The following ZNF385B variants were observed in gnomAD, a reference collection of about 807,000 sequenced individuals.
ZNF385B encodes the protein zinc finger protein 385B.
Under a neutral mutation model 39.2 loss-of-function variants are expected in ZNF385B, and 23 were observed. The observed-to-expected ratio is 0.59, with a 90% CI of 0.42 to 0.83. The LOEUF (loss-of-function observed/expected upper bound fraction) is 0.83, where lower values mean the gene tolerates loss of function less well. Among genes scored for constraint, ZNF385B ranks in the 40% least tolerant of loss-of-function variants. ZNF385B has a pLI of 0.00. For synonymous variants in ZNF385B, 205 were observed against 222.6 expected (o/e 0.92, Z 0.70); for missense variants, 552 against 598.9 (o/e 0.92, Z 0.82).
chr2:179,718,158 G>A (rs908721914), intron 3 of ZNF385B, among the ~76,000 whole-genome samples: 46 of 151,894 alleles, frequency 3.0e-4, no homozygotes, highest in Admixed American at 2.0e-3. Flanking sequence ...TGAAGCATCA[G>A]TATTTCTTAA....
chr2:179,541,584 T>G (rs1229026803), intron 4 of ZNF385B, among the ~76,000 whole-genome samples: 1 of 152,186 alleles, frequency 6.6e-6, no homozygotes, highest in Non-Finnish European at 1.5e-5. Context: ...AATATTAACC[T>G]TGGTTAAAAA....
Position 179,544,828 on chromosome 2 carries a change from G to C in ZNF385B, c.440C>G (p.Thr147Arg), listed in dbSNP as rs1175399772. ...TAAAATAGAAATGAATTTACTCACTGTGTTAAAATTTGGAAAGAGCCCAAC... is the reference window on the plus strand; with the variant it reads ...TAAAATAGAAATGAATTTACTCACTCTGTTAAAATTTGGAAAGAGCCCAAC... ...SAVGLFPNFN[T>R]MDPVQKAVIN... The change falls in exon 4 of 10, where the codon ACA becomes AGA. Residue 147 changes from threonine (T) to arginine (R), a missense_variant and splice_region_variant. By Grantham distance (71) the Thr-to-Arg change is moderately conservative. Coordinates refer to ENST00000410066, the MANE Select transcript of ZNF385B (RefSeq NM_152520.6). 6.2e-6 allele frequency: 10 copies of C among 1,613,874 alleles called. No individual in the cohort carries two copies. Among genetic ancestry groups the C allele is most frequent in the Non-Finnish European group, 5.9e-6 (7 of 1,179,906 alleles).
intron 3 of ZNF385B, among the ~76,000 whole-genome samples, chr2:179,622,936 G>A (rs1027235551): frequency 1.5e-4 from 23 of 152,150 alleles, no homozygotes; most frequent in African/African-American, 5.3e-4. Flanking sequence ...TTTCGTGAAA[G>A]CCTTCAGAGG....
At chr2:179,639,226 CAAAAAAAA>C (rs59905278) in intron 3 of ZNF385B, among the ~76,000 whole-genome samples, 5 of 93,024 alleles carry the variant, frequency 5.4e-5, no homozygotes, top group South Asian at 4.5e-4. Context: ...GATCCTGCCT[CAAAAAAAA>C]AAAAAAAAAA....
At chr2:179,838,437 C>T (rs550516963) in intron 1 of ZNF385B, among the ~76,000 whole-genome samples, 38 of 152,334 alleles carry the variant, frequency 2.5e-4, no homozygotes, top group African/African-American at 9.1e-4. Context: ...AATCTTCATA[C>T]ACATGGAGCG....
At chr2:179,846,380 T>C (rs1002925009) in intron 1 of ZNF385B, among the ~76,000 whole-genome samples, 6 of 152,228 alleles carry the variant, frequency 3.9e-5, no homozygotes, top group Non-Finnish European at 8.8e-5. Context: ...CAAATGGAAA[T>C]TTGCCGACAC....
intron 3 of ZNF385B, among the ~76,000 whole-genome samples, chr2:179,707,908 G>A (rs977873809): frequency 6.6e-6 from 1 of 152,190 alleles, no homozygotes; most frequent in Non-Finnish European, 1.5e-5. Flanking sequence ...GATCGCTAAG[G>A]AGCCTCAAGT....
chr2:179,713,190 A>G (rs1313413270), intron 3 of ZNF385B, among the ~76,000 whole-genome samples: 1 of 152,224 alleles, frequency 6.6e-6, no homozygotes, highest in Non-Finnish European at 1.5e-5. Context: ...TTCACCTAAG[A>G]TGGGTTTTTG....
intron 4 of ZNF385B, among the ~76,000 whole-genome samples, chr2:179,541,122 G>C (rs2059895951): frequency 6.6e-6 from 1 of 152,136 alleles, no homozygotes. Context: ...TCCTTGACAT[G>C]TACTCCATCA....
Position 179,451,783 on chromosome 2 carries a change from T to C in ZNF385B, c.716-5013A>G, listed in dbSNP as rs2050182662. ...TTTCTCAATATGCAAATGTATAAACTTCAAAGCCTAATCTTATTATTTCTT... is the reference window on the plus strand; with the variant it reads ...TTTCTCAATATGCAAATGTATAAACCTCAAAGCCTAATCTTATTATTTCTT... On this transcript the variant is annotated intron_variant, in intron 6 of 9. Transcript: ENST00000410066. 2.6e-5 allele frequency among the ~76,000 whole-genome samples: 4 copies of C among 152,144 alleles called. 1 individual carries two copies. The highest frequency in any genetic ancestry group is 1.3e-4 in the Admixed American group (2 of 15,254).
chr2:179,806,129 A>G (rs1706334920), intron 1 of ZNF385B, among the ~76,000 whole-genome samples: 1 of 152,216 alleles, frequency 6.6e-6, no homozygotes. Flanking sequence ...GCCATAAACA[A>G]TGTTAAAAGA....
intron 3 of ZNF385B, among the ~76,000 whole-genome samples, chr2:179,569,909 G>A (rs911173139): frequency 7.2e-5 from 11 of 152,140 alleles, no homozygotes; most frequent in African/African-American, 2.7e-4. Flanking sequence ...ATGAGTCAAG[G>A]AGGAGTTGAG....
At chr2:179,724,073 C>T (rs536677842) in intron 3 of ZNF385B, among the ~76,000 whole-genome samples, 2 of 152,236 alleles carry the variant, frequency 1.3e-5, no homozygotes, top group South Asian at 2.1e-4. Context: ...CTTTGGGAGG[C>T]CAACGCAGGC....
chr2:179,656,085 T>G (rs191648056), intron 3 of ZNF385B, among the ~76,000 whole-genome samples: 19 of 152,268 alleles, frequency 1.2e-4, no homozygotes, highest in African/African-American at 4.6e-4. Flanking sequence ...TACAAATAGA[T>G]TAACATTTGT....
intron 3 of ZNF385B, among the ~76,000 whole-genome samples, chr2:179,752,754 A>G (rs537362404): frequency 1.3e-5 from 2 of 151,898 alleles, no homozygotes; most frequent in Non-Finnish European, 2.9e-5. Context: ...CTGTTCATAT[A>G]CTTCACCCAC....
chr2:179,673,000 C>A (rs983117790), intron 3 of ZNF385B, among the ~76,000 whole-genome samples: 1 of 152,126 alleles, frequency 6.6e-6, no homozygotes, highest in Non-Finnish European at 1.5e-5. Flanking sequence ...AAGGCCAAAT[C>A]CTTTGCAGAG....
chr2:179,824,395 A>G (rs1022766149), intron 1 of ZNF385B, among the ~76,000 whole-genome samples: 5 of 152,186 alleles, frequency 3.3e-5, no homozygotes, highest in African/African-American at 1.2e-4. Context: ...TAACTACAAA[A>G]GTAAATCTTT....
intron 6 of ZNF385B, among the ~76,000 whole-genome samples, chr2:179,463,138 A>G (rs1289557011): frequency 1.3e-5 from 2 of 152,162 alleles, no homozygotes; most frequent in East Asian, 3.9e-4. Context: ...TGTATAGTCC[A>G]TGCAGATAAA....
rs187658211 is a variant in ZNF385B at position 179,832,172 on chromosome 2, A to T, written c.-155+28929T>A. On this transcript the variant is annotated intron_variant, in intron 1 of 9. Transcript: ENST00000410066. The stretch of plus-strand genomic sequence containing the variant: ...ACAAGTCTGGCCTTTTGCTATATTT[A>T]CAAAGGAATCTTCCTTCTCCTACCA... 1.1e-4 allele frequency among the ~76,000 whole-genome samples: 17 copies of T among 152,274 alleles called. No individual in the cohort carries two copies. In the East Asian group the frequency reaches 3.3e-3, roughly 29 times the overall value.
Sources: gnomAD v4.1 joint callset for allele counts (sites outside exome capture counted in the v4.1 genomes callset) on GRCh38, gnomAD v4.1.1 for gene constraint, MANE v1.5 for transcripts, NCBI Gene and HGNC (gene_info 2026-07-23, HGNC 2026-07-21) for gene names.